Variants in MAP2K3 observed in about 807,000 individuals in gnomAD.
The protein encoded by MAP2K3 is mitogen-activated protein kinase kinase 3.
In MAP2K3, 30 loss-of-function variants were observed where a neutral mutation model predicts 46.4. The ratio of observed to expected loss-of-function variants is 0.65; its 90% CI spans 0.48 to 0.88. MAP2K3 has a LOEUF of 0.88. Among genes scored for constraint, MAP2K3 ranks in the 40% least tolerant of loss-of-function variants. MAP2K3 has a pLI of 0.00. For missense variants in MAP2K3, 380 were observed against 464.5 expected (o/e 0.82, Z 1.67); for synonymous variants, 189 against 176.3 (o/e 1.07, Z -0.57).
At chr17:21,313,321 A>G (rs1379827307) in intron 10 of MAP2K3, among the ~76,000 whole-genome samples, 171 bp from the exon 11 acceptor site, 1 of 152,192 alleles carries the variant, frequency 6.6e-6, no homozygotes, top group Non-Finnish European at 1.5e-5. Flanking sequence ...GTTTGCTCCT[A>G]TGAATGCCCC....
Position 21,284,810 on chromosome 17 carries a change from C to T in MAP2K3, c.-111C>T. The T allele has an allele frequency of 1.6e-6, 2 of 1,255,400 alleles. No homozygotes were observed. The highest frequency in any genetic ancestry group is 6.2e-5 in the East Asian group (2 of 32,500). 77.8% of individuals were successfully genotyped at this position (1,255,400 alleles called of 1,614,324 possible). A position where few individuals can be genotyped will look rare whatever the true frequency, so the allele number is the denominator to read the frequency against. On this transcript the variant is annotated 5_prime_UTR_variant, in exon 1 of 12. Transcript: ENST00000342679. ...GCCGCCGCCGCCGCCGCCGCCGCTG[C>T]TCCTCCGCCTGGCCTGGGCCGTCTG...
At chr17:21,285,936 G>T (rs1464780707) in intron 1 of MAP2K3, among the ~76,000 whole-genome samples, 1 of 152,064 alleles carries the variant, frequency 6.6e-6, no homozygotes, top group African/African-American at 2.4e-5. Context: ...GATGTTTTTG[G>T]TGCGTCGGAG....
At chr17:21,291,107 G>A (rs1200444759) in intron 1 of MAP2K3, among the ~76,000 whole-genome samples, 2 of 152,312 alleles carry the variant, frequency 1.3e-5, no homozygotes, top group Non-Finnish European at 2.9e-5. Context: ...AACCGGGCGT[G>A]GTGGCAGGTG....
At chr17:21,288,945 G>C (rs1975801993) in intron 1 of MAP2K3, among the ~76,000 whole-genome samples, 1 of 152,254 alleles carries the variant, frequency 6.6e-6, no homozygotes, top group Non-Finnish European at 1.5e-5. Flanking sequence ...TCTGTAAAGT[G>C]GGAGTAAACA....
At chr17:21,294,113 C>T (rs1299975877) in intron 1 of MAP2K3, among the ~76,000 whole-genome samples, 1 of 152,312 alleles carries the variant, frequency 6.6e-6, no homozygotes, top group East Asian at 1.9e-4. Flanking sequence ...CTTCTCGGGG[C>T]CTCAGTTTCC....
At chr17:21,287,987 A>G in intron 1 of MAP2K3, 1 of 1,278,604 alleles carries the variant, frequency 7.8e-7, no homozygotes, top group Non-Finnish European at 1.0e-6. Flanking sequence ...CTTGTGACGC[A>G]CAGGAAACTC....
intron 9 of MAP2K3, among the ~76,000 whole-genome samples, chr17:21,309,627 T>C (rs1977068355): frequency 6.6e-6 from 1 of 152,118 alleles, no homozygotes; most frequent in African/African-American, 2.4e-5. Context: ...TCTTTTTTTG[T>C]TGTTGAAACA....
intron 1 of MAP2K3, chr17:21,291,677 A>C (rs1975948059): frequency 2.3e-6 from 1 of 432,954 alleles, no homozygotes; most frequent in South Asian, 1.6e-5. Context: ...CCAGAGTCCC[A>C]CCGATCTGAC....
chr17:21,299,599 T>C (rs1173595817), intron 3 of MAP2K3, among the ~76,000 whole-genome samples: 7 of 152,396 alleles, frequency 4.6e-5, no homozygotes, highest in Non-Finnish European at 7.3e-5. Context: ...GGAGGATTGC[T>C]TGAACCCAGG....
intron 1 of MAP2K3, chr17:21,291,669 A>G (rs1262433313): frequency 2.2e-6 from 1 of 444,654 alleles, no homozygotes; most frequent in Non-Finnish European, 4.5e-6. Flanking sequence ...GCCTGGGGCC[A>G]GAGTCCCACC....
chr17:21,302,065 G>A, intron 5 of MAP2K3, 78 bp from the exon 6 acceptor site: 3 of 1,413,982 alleles, frequency 2.1e-6, no homozygotes, highest in Non-Finnish European at 3.0e-6. Flanking sequence ...GGCTGGGGCT[G>A]GTGCTGGGGC....
At chr17:21,291,334 AGT>A (rs1162036658) in intron 1 of MAP2K3, 96 of 227,410 alleles carry the variant, frequency 4.2e-4, no homozygotes, top group African/African-American at 2.9e-3. Flanking sequence ...AATAGAATAC[AGT>A]ACAATACAAT....
At chr17:21,290,608 G>A (rs537824846) in intron 1 of MAP2K3, among the ~76,000 whole-genome samples, 2 of 152,430 alleles carry the variant, frequency 1.3e-5, no homozygotes, top group East Asian at 3.8e-4. Context: ...CCTGATGTCT[G>A]TGCTAGCATT....
intron 4 of MAP2K3, 73 bp downstream of exon 4, chr17:21,300,731 C>T (rs1976548515): frequency 6.3e-7 from 1 of 1,598,896 alleles, no homozygotes; most frequent in South Asian, 1.1e-5. Context: ...GGGGCCCTGC[C>T]TATCCCTCTC....
At chr17:21,287,918 C>T (rs1975766151) in intron 1 of MAP2K3, 3 of 746,890 alleles carry the variant, frequency 4.0e-6, no homozygotes, top group African/African-American at 1.8e-5. Flanking sequence ...TGGCCACCCC[C>T]CCAACCCCTG....
chr17:21,306,297 A>T (rs1467025471), intron 9 of MAP2K3, among the ~76,000 whole-genome samples: 4 of 152,228 alleles, frequency 2.6e-5, no homozygotes, highest in Non-Finnish European at 4.4e-5. Flanking sequence ...AATGGCTCAC[A>T]AAACTCAGGG....
At chr17:21,301,052 AC>A (rs1597817295) in intron 5 of MAP2K3, 59 bp downstream of exon 5, 2 of 1,612,482 alleles carry the variant, frequency 1.2e-6, no homozygotes, top group East Asian at 4.5e-5. Flanking sequence ...GTCGCCTGCA[AC>A]CCACTGTCAC....
At chr17:21,286,700 C>G (rs1975732980) in intron 1 of MAP2K3, among the ~76,000 whole-genome samples, 2 of 152,282 alleles carry the variant, frequency 1.3e-5, no homozygotes, top group South Asian at 4.1e-4. Flanking sequence ...CAGAGAATGC[C>G]TCATCAAAAT....
intron 1 of MAP2K3, chr17:21,285,230 C>T (rs1975692583): frequency 1.0e-6 from 1 of 985,110 alleles, no homozygotes; most frequent in African/African-American, 1.7e-5. Flanking sequence ...TTCTGCTCAC[C>T]CCATCCAAGT....
Sources: gnomAD v4.1 joint callset for allele counts (sites outside exome capture counted in the v4.1 genomes callset) on GRCh38, gnomAD v4.1.1 for gene constraint, MANE v1.5 for transcripts, NCBI Gene and HGNC (gene_info 2026-07-23, HGNC 2026-07-21) for gene names.